The following UVRAG variants were observed in gnomAD, a reference collection of about 807,000 sequenced individuals.
The protein encoded by UVRAG is UV radiation resistance-associated gene protein.
Under a neutral mutation model 78.0 loss-of-function variants are expected in UVRAG, and 19 were observed. The ratio of observed to expected loss-of-function variants is 0.24; its 90% CI spans 0.17 to 0.36. The LOEUF (loss-of-function observed/expected upper bound fraction) is 0.36. Ranked by LOEUF, UVRAG falls within the 10% of genes least tolerant of loss-of-function variation. The probability of loss-of-function intolerance (pLI) is 1.00; values close to 1 mark genes in which losing one functional copy is unlikely to be tolerated. For missense variants in UVRAG, 740 were observed against 853.8 expected, an observed-to-expected ratio of 0.87 and a Z score of 1.66; for synonymous variants, 323 against 324.6, an observed-to-expected ratio of 1.00 and a Z score of 0.05.
chr11:76,002,773 G>C (rs1025654938), intron 8 of UVRAG, among the ~76,000 whole-genome samples: 11 of 152,146 alleles, frequency 7.2e-5, no homozygotes, highest in African/African-American at 1.4e-4. Flanking sequence ...AGAAGAGAAG[G>C]GTGCTTAAAT....
intron 1 of UVRAG, among the ~76,000 whole-genome samples, chr11:75,817,121 G>A (rs771446379): frequency 3.9e-5 from 6 of 152,146 alleles, no homozygotes; most frequent in Non-Finnish European, 7.4e-5. Context: ...AGGGAGACAC[G>A]TCTCTGGAGT....
chr11:76,130,791 C>T (rs546188419), intron 14 of UVRAG, among the ~76,000 whole-genome samples: 40 of 152,254 alleles, frequency 2.6e-4, no homozygotes, highest in African/African-American at 9.6e-4. Flanking sequence ...CCTTTAGCTC[C>T]CTTCCAAGTC....
chr11:75,839,905 T>C (rs1945872497), intron 1 of UVRAG, among the ~76,000 whole-genome samples: 2 of 151,136 alleles, frequency 1.3e-5, no homozygotes, highest in African/African-American at 4.9e-5. Flanking sequence ...AGGAATATAA[T>C]GAACTCCCAG....
chr11:76,128,026 G>A (rs1007551953), intron 14 of UVRAG, among the ~76,000 whole-genome samples: 14 of 152,084 alleles, frequency 9.2e-5, no homozygotes, highest in African/African-American at 3.4e-4. Flanking sequence ...GAGGGAATTA[G>A]TACAAAAGCC....
intron 14 of UVRAG, among the ~76,000 whole-genome samples, chr11:76,132,723 C>T (rs920450198): frequency 4.6e-5 from 7 of 152,080 alleles, no homozygotes; most frequent in African/African-American, 1.7e-4. Flanking sequence ...GAATGCCTAA[C>T]AGTATAAGTC....
At chr11:76,070,145 G>T (rs1951274690) in intron 13 of UVRAG, among the ~76,000 whole-genome samples, 1 of 152,222 alleles carries the variant, frequency 6.6e-6, no homozygotes, top group South Asian at 2.1e-4. Flanking sequence ...ACTGCCATTT[G>T]TGACAATACA....
In UVRAG at chr11:75,877,708, T is replaced by C. The variant is rs796450217; in HGVS notation, c.271-2171T>C. 2.0e-4 allele frequency among the ~76,000 whole-genome samples: 21 copies of C among 102,950 alleles called. No individual in the cohort carries two copies. The South Asian group carries it at 5.1e-3, about 25-fold the overall frequency. 67.5% of individuals were successfully genotyped at this position (102,950 alleles called of 152,430 possible). On this transcript the variant is annotated intron_variant, in intron 3 of 14. Transcript: ENST00000356136. ...CTGGGCAGAGGCGCCCCTCACCTCC[T>C]GGACGGGGCGGCTGGCCGGGCGGGG...
Position 75,974,351 on chromosome 11 carries a change from CTTTTTTTTTTT to C in UVRAG, c.700-9020_700-9010del, listed in dbSNP as rs1188190094. 1.4e-3 allele frequency among the ~76,000 whole-genome samples: 114 copies of C among 83,710 alleles called. 1 individual carries two copies. Among genetic ancestry groups the C allele is most frequent in the African/African-American group, 5.1e-3 (103 of 20,028 alleles). 54.9% of individuals were successfully genotyped at this position (83,710 alleles called of 152,430 possible). A position where few individuals can be genotyped will look rare whatever the true frequency, so the allele number is the denominator to read the frequency against. ...TGTCTGTTGGCTGCATAAATGTCTT[CTTTTTTTTTTT>C]TTTTTTTTTTTTTTTGAGACGGAGT... On this transcript the variant is annotated intron_variant, in intron 7 of 14. Coordinates refer to ENST00000356136, the MANE Select transcript of UVRAG (RefSeq NM_003369.4).
Position 76,003,942 on chromosome 11 carries a change from CTT to C in UVRAG, c.827-61_827-60del. 11 of 1,501,314 alleles carry C rather than the reference CTT, an allele frequency of 7.3e-6. No individual in the cohort carries two copies. In the South Asian group the frequency reaches 1.1e-4, roughly 15 times the overall value. 93.0% of individuals were successfully genotyped at this position (1,501,314 alleles called of 1,614,324 possible). ...CACAGTCAGGGATTTGGCTTGGCCTCTTTGGTTGTGATTGAGTAATCCTATGT... is the reference window on the plus strand; with the variant it reads ...CACAGTCAGGGATTTGGCTTGGCCTCTGGTTGTGATTGAGTAATCCTATGT... On this transcript the variant is annotated intron_variant, in intron 8 of 14. Transcript: ENST00000356136.
At chr11:76,066,218 G>A (rs11826581) in intron 13 of UVRAG, among the ~76,000 whole-genome samples, 21,709 of 152,044 alleles carry the variant, frequency 0.14, 4,061 homozygotes, top group African/African-American at 0.43. Flanking sequence ...TTCAGGGCCC[G>A]AAGGAAAAGA....
intron 13 of UVRAG, among the ~76,000 whole-genome samples, chr11:76,072,860 T>C (rs1355143544): frequency 6.6e-6 from 1 of 152,212 alleles, no homozygotes; most frequent in East Asian, 1.9e-4. Flanking sequence ...AGAGCAGCAG[T>C]GTAATCAGTC....
intron 7 of UVRAG, among the ~76,000 whole-genome samples, chr11:75,975,803 C>A (rs1252105923): frequency 6.6e-6 from 1 of 152,188 alleles, no homozygotes; most frequent in Non-Finnish European, 1.5e-5. Context: ...ACAATCATGT[C>A]ATCTGCAAAC....
At chr11:75,895,629 CTG>C (rs1947326932) in intron 5 of UVRAG, among the ~76,000 whole-genome samples, 1 of 144,630 alleles carries the variant, frequency 6.9e-6, no homozygotes, top group South Asian at 2.1e-4. Context: ...ATGTGGCACT[CTG>C]TTTTTTTTTT....
At chr11:75,919,504 TA>T (rs1947928985) in intron 6 of UVRAG, among the ~76,000 whole-genome samples, 3 of 152,354 alleles carry the variant, frequency 2.0e-5, no homozygotes, top group Non-Finnish European at 4.4e-5. Context: ...TTCTGGAATA[TA>T]GCTGAGTGAT....
chr11:75,877,647 C>G (rs1565358650), intron 3 of UVRAG, among the ~76,000 whole-genome samples: 1 of 131,604 alleles, frequency 7.6e-6, no homozygotes, highest in African/African-American at 2.9e-5. Context: ...AGCGGCTGGC[C>G]AGGCAGAGGG....
At chr11:76,137,153 A>C in intron 14 of UVRAG, 1 of 334,466 alleles carries the variant, frequency 3.0e-6, no homozygotes, top group Non-Finnish European at 5.9e-6. Context: ...CTGGCCCGCC[A>C]CGCAAATCCT....
chr11:76,120,857 T>A (rs1229981294), intron 14 of UVRAG, among the ~76,000 whole-genome samples: 1 of 152,152 alleles, frequency 6.6e-6, no homozygotes, highest in East Asian at 1.9e-4. Flanking sequence ...AGGAGTTACC[T>A]CTCAAGCCTG....
At chr11:76,053,513 T>C (rs1950914396) in intron 12 of UVRAG, among the ~76,000 whole-genome samples, 1 of 152,146 alleles carries the variant, frequency 6.6e-6, no homozygotes, top group Admixed American at 6.5e-5. Flanking sequence ...TCTTCCCACA[T>C]ATCTATTCAC....
chr11:76,067,674 C>G (rs1188590949), intron 13 of UVRAG, among the ~76,000 whole-genome samples: 1 of 152,102 alleles, frequency 6.6e-6, no homozygotes, highest in Non-Finnish European at 1.5e-5. Context: ...ATGAGAACCT[C>G]TTGAACCCGG....
Sources: allele counts gnomAD v4.1 joint callset (sites outside exome capture counted in the v4.1 genomes callset), GRCh38; gene constraint gnomAD v4.1.1; transcripts MANE v1.5; gene names NCBI Gene and HGNC (gene_info 2026-07-23, HGNC 2026-07-21).